UBE2E1: variants seen among roughly 807,000 people sequenced by gnomAD.
UBE2E1 encodes the protein ubiquitin-conjugating enzyme E2 E1.
In UBE2E1, 6 loss-of-function variants were observed where a neutral mutation model predicts 21.4. That is an observed-to-expected ratio of 0.28 (90% CI 0.15 to 0.55). The LOEUF (loss-of-function observed/expected upper bound fraction) is 0.55, where lower values mean the gene tolerates loss of function less well. UBE2E1 is among the 20% of genes least tolerant of loss of function. The pLI is 0.93. For synonymous variants in UBE2E1, 87 were observed against 82.7 expected, an observed-to-expected ratio of 1.05 and a Z score of -0.28; for missense variants, 142 against 236.5, an observed-to-expected ratio of 0.60 and a Z score of 2.62.
intron 3 of UBE2E1, among the ~76,000 whole-genome samples, chr3:23,812,497 T>C (rs901213194): frequency 3.3e-5 from 5 of 152,230 alleles, no homozygotes; most frequent in Non-Finnish European, 5.9e-5. Context: ...CAGTGAACTT[T>C]GGAAACTAAT....
At chr3:23,856,683 T>A (rs1700447670) in intron 3 of UBE2E1, among the ~76,000 whole-genome samples, 1 of 152,192 alleles carries the variant, frequency 6.6e-6, no homozygotes, top group African/African-American at 2.4e-5. Flanking sequence ...GGAACTCCTG[T>A]TGATTTGTTT....
chr3:23,807,062 A>C (rs985374471), intron 1 of UBE2E1, 175 bp from the exon 2 acceptor site: 4 of 495,792 alleles, frequency 8.1e-6, no homozygotes, highest in African/African-American at 7.9e-5. Context: ...AAAAATAAAC[A>C]AGCCGCGTCC....
rs759418034 is a variant in UBE2E1 at position 23,842,246 on chromosome 3, T to TGTGTGTGTGTGGTG, written c.203+30739_203+30740insTGTGTGTGGTGGTG. On this transcript the variant is annotated intron_variant, in intron 3 of 5. Transcript: ENST00000306627. The surrounding 1 kb of genome is among the most constrained non-coding windows in gnomAD (Gnocchi z 4.6). Reference sequence around the variant, plus strand: ...GTGTGTGTGTGTGTGTGTGTGTGTGTGTGGTGTTGTTGTTGTTGGCGACAG... The same window carrying TGTGTGTGTGTGGTG: ...GTGTGTGTGTGTGTGTGTGTGTGTGTGTGTGTGTGTGGTGGTGGTGTTGTTGTTGTTGGCGACAG... 5.4e-5 allele frequency among the ~76,000 whole-genome samples: 2 copies of TGTGTGTGTGTGGTG among 36,734 alleles called. No homozygotes were observed. The highest frequency in any genetic ancestry group is 1.6e-4 in the African/African-American group (2 of 12,720). The allele number at this position is 36,734 out of a possible 152,430, so 24.1% of individuals were successfully genotyped here.
chr3:23,862,469 T>G (rs1700578000), intron 3 of UBE2E1, among the ~76,000 whole-genome samples: 2 of 152,232 alleles, frequency 1.3e-5, no homozygotes, highest in African/African-American at 4.8e-5. Flanking sequence ...TGAAAACATT[T>G]TTTTAGTTTG....
chr3:23,856,772 G>A (rs1700449508), intron 3 of UBE2E1, among the ~76,000 whole-genome samples: 1 of 152,104 alleles, frequency 6.6e-6, no homozygotes, highest in Admixed American at 6.6e-5. Context: ...AGGGGAATCA[G>A]AAAATTAATG....
intron 3 of UBE2E1, among the ~76,000 whole-genome samples, chr3:23,872,324 T>A (rs955517092): frequency 1.3e-5 from 2 of 148,940 alleles, no homozygotes; most frequent in African/African-American, 2.5e-5. Context: ...ATGGCAGCAG[T>A]ACAGTCCAGC....
chr3:23,888,601 A>G lies in UBE2E1; in HGVS notation c.337-511A>G, dbSNP rs565128533. ...TGTGATGTAGGTAGACAGGATGTCT[A>G]TAGGACCTGATGTAACGGTCAGAAA... On this transcript the variant is annotated intron_variant, in intron 4 of 5. Coordinates refer to ENST00000306627, the MANE Select transcript of UBE2E1 (RefSeq NM_003341.5). 3.3e-5 allele frequency among the ~76,000 whole-genome samples: 5 copies of G among 152,340 alleles called. No homozygotes were observed. The South Asian group carries it at 6.2e-4, about 19-fold the overall frequency.
chr3:23,865,657 A>G (rs951872301), intron 3 of UBE2E1, among the ~76,000 whole-genome samples: 4 of 152,154 alleles, frequency 2.6e-5, no homozygotes, highest in African/African-American at 7.2e-5. Context: ...GGAATAGGAC[A>G]TGTTTGTAAG....
At chr3:23,867,306 A>G (rs1204048929) in intron 3 of UBE2E1, among the ~76,000 whole-genome samples, 1 of 152,164 alleles carries the variant, frequency 6.6e-6, no homozygotes, top group African/African-American at 2.4e-5. Context: ...TCTTTGATTT[A>G]TGTTGGTTCT....
intron 3 of UBE2E1, among the ~76,000 whole-genome samples, chr3:23,817,007 T>A (rs1699535888): frequency 6.6e-6 from 1 of 152,214 alleles, no homozygotes; most frequent in Non-Finnish European, 1.5e-5. Flanking sequence ...TTATATATAT[T>A]TTATCACAAT....
chr3:23,886,018 G>GA (rs1249054170), intron 3 of UBE2E1, among the ~76,000 whole-genome samples: 1 of 151,782 alleles, frequency 6.6e-6, no homozygotes. Flanking sequence ...GCAACATAGA[G>GA]AGACCCCCAT....
At chr3:23,888,260 A>C (rs1487373799) in intron 4 of UBE2E1, 1 of 457,198 alleles carries the variant, frequency 2.2e-6, no homozygotes, top group South Asian at 1.5e-5. Flanking sequence ...TTTCTAGGAC[A>C]GGTGAGGATT....
intron 3 of UBE2E1, among the ~76,000 whole-genome samples, chr3:23,840,867 A>G (rs1285678037): frequency 6.6e-6 from 1 of 152,126 alleles, no homozygotes; most frequent in Non-Finnish European, 1.5e-5. Context: ...GTCTCAATAT[A>G]TTTAGTTTTC....
intron 3 of UBE2E1, among the ~76,000 whole-genome samples, chr3:23,878,625 A>G (rs1700971115): frequency 6.6e-6 from 1 of 152,214 alleles, no homozygotes; most frequent in South Asian, 2.1e-4. Flanking sequence ...CAGATCAGCA[A>G]TGGCATTAGG....
intron 3 of UBE2E1, chr3:23,879,291 G>A: frequency 1.1e-6 from 1 of 879,890 alleles, no homozygotes; most frequent in Non-Finnish European, 1.7e-6. Flanking sequence ...GAAGTGAAAA[G>A]GGACTGTTTT....
rs1559482425 is a variant in UBE2E1, at chr3:23,842,237, G to GTT, written c.203+30728_203+30729insTT. Reference sequence around the variant, plus strand: ...TGTGTGTGTGTGTGTGTGTGTGTGTGTGTGTGTGTGTGGTGTTGTTGTTGT... The same window carrying GTT: ...TGTGTGTGTGTGTGTGTGTGTGTGTGTTTGTGTGTGTGTGGTGTTGTTGTTGT... On this transcript the variant is annotated intron_variant, in intron 3 of 5. Coordinates refer to ENST00000306627, the MANE Select transcript of UBE2E1 (RefSeq NM_003341.5). The surrounding 1 kb of genome is among the most constrained non-coding windows in gnomAD (Gnocchi z 4.6). 2.7e-5 allele frequency among the ~76,000 whole-genome samples: 2 copies of GTT among 74,428 alleles called. No individual in the cohort carries two copies. The highest frequency in any genetic ancestry group is 5.8e-5 in the Non-Finnish European group (2 of 34,674). 48.8% of individuals were successfully genotyped at this position (74,428 alleles called of 152,430 possible). A position where few individuals can be genotyped will look rare whatever the true frequency, so the allele number is the denominator to read the frequency against.
In UBE2E1 at chr3:23,873,788, T is replaced by C. The variant is rs577343711; in HGVS notation, c.204-13779T>C. Among the ~76,000 whole-genome samples the C allele has an allele frequency of 1.4e-4, 21 of 152,280 alleles. No homozygotes were observed. The South Asian group carries it at 2.5e-3, about 18-fold the overall frequency. On this transcript the variant is annotated intron_variant, in intron 3 of 5. Coordinates refer to ENST00000306627, the MANE Select transcript of UBE2E1 (RefSeq NM_003341.5). ...GACCGGCAGGAGAGTTTCAGGCTGA[T>C]TGACCAGTGCAGGGAGGTGTTCTGA...
intron 3 of UBE2E1, among the ~76,000 whole-genome samples, chr3:23,874,247 C>A (rs1377606562): frequency 6.6e-6 from 1 of 152,212 alleles, no homozygotes; most frequent in East Asian, 1.9e-4. Context: ...TTAAGAGAAT[C>A]TTGGTATCCT....
chr3:23,813,836 T>C (rs1699454248), intron 3 of UBE2E1, among the ~76,000 whole-genome samples: 1 of 152,234 alleles, frequency 6.6e-6, no homozygotes, highest in Non-Finnish European at 1.5e-5. Context: ...CCACTGCACC[T>C]GGCCTTGGGG....
Sources: gnomAD v4.1 joint callset for allele counts (sites outside exome capture counted in the v4.1 genomes callset) on GRCh38, gnomAD v4.1.1 for gene constraint, Gnocchi (gnomAD v3.1) non-coding constraint, MANE v1.5 for transcripts, NCBI Gene and HGNC (gene_info 2026-07-23, HGNC 2026-07-21) for gene names.